The following SCAPER variants were observed in gnomAD, a reference collection of about 807,000 sequenced individuals.
SCAPER encodes the protein S-phase cyclin A associated protein in the ER.
SCAPER carries 98 observed loss-of-function variants against 182.2 expected under a neutral mutation model. That is an observed-to-expected ratio of 0.54 (90% CI 0.46 to 0.64). SCAPER has a LOEUF of 0.64. SCAPER is among the 30% of genes least tolerant of loss of function. SCAPER has a pLI of 0.00. For synonymous variants in SCAPER, 605 were observed against 564.6 expected (o/e 1.07, Z -1.01); for missense variants, 1,432 against 1,690.0 (o/e 0.85, Z 2.68).
chr15:76,511,161 TG>T (rs1222561522), intron 23 of SCAPER, among the ~76,000 whole-genome samples: 2 of 152,132 alleles, frequency 1.3e-5, no homozygotes, highest in African/African-American at 2.4e-5. Flanking sequence ...TGTATACTGC[TG>T]GGGAGATGGG....
chr15:76,844,205 A>G (rs2069785724), intron 4 of SCAPER, among the ~76,000 whole-genome samples: 1 of 151,688 alleles, frequency 6.6e-6, no homozygotes, highest in African/African-American at 2.4e-5. Context: ...GAAGTTTCAC[A>G]CAATTGGATT....
At chr15:76,728,834 C>T (rs2060742776) in intron 16 of SCAPER, 97 bp from the exon 17 acceptor site, 1 of 1,294,856 alleles carries the variant, frequency 7.7e-7, no homozygotes, top group African/African-American at 1.5e-5. Context: ...ATGTTCAAGC[C>T]AAGTAGAAAC....
At position 76,882,688 on chromosome 15, in the gene SCAPER, G is replaced by A. The variant is rs571492918; in HGVS notation, c.6+1124C>T. On this transcript the variant is annotated intron_variant, in intron 2 of 31. Transcript: ENST00000563290. Reference sequence around the variant, plus strand: ...TTTCTTTTTTTCTTTTATTTGAGACGGAGTCTCGCTCTATAGCCCAGGTTG... The same window carrying A: ...TTTCTTTTTTTCTTTTATTTGAGACAGAGTCTCGCTCTATAGCCCAGGTTG... Among the ~76,000 whole-genome samples, 11 of 152,046 alleles carry A rather than the reference G, an allele frequency of 7.2e-5. No individual in the cohort carries two copies. In the South Asian group the frequency reaches 1.2e-3, roughly 17 times the overall value.
intron 6 of SCAPER, among the ~76,000 whole-genome samples, chr15:76,802,033 C>G (rs1232997242): frequency 6.6e-6 from 1 of 151,452 alleles, no homozygotes; most frequent in Non-Finnish European, 1.5e-5. Flanking sequence ...ATCCTCAACA[C>G]AGCCACCAAT....
At chr15:76,780,057 C>G (rs896027372) in intron 8 of SCAPER, among the ~76,000 whole-genome samples, 2 of 152,178 alleles carry the variant, frequency 1.3e-5, no homozygotes, top group Admixed American at 6.5e-5. Flanking sequence ...AAAAGGCGAG[C>G]CAAAGCAGGG....
At chr15:76,711,996 A>C (rs1029384530) in intron 17 of SCAPER, among the ~76,000 whole-genome samples, 3 of 152,144 alleles carry the variant, frequency 2.0e-5, no homozygotes, top group Middle Eastern at 3.4e-3. Context: ...GGTGTTTTAG[A>C]CATGAAGTCC....
At chr15:76,639,478 G>C (rs2053923437) in intron 21 of SCAPER, among the ~76,000 whole-genome samples, 2 of 152,180 alleles carry the variant, frequency 1.3e-5, no homozygotes, top group Admixed American at 1.3e-4. Context: ...GAATTATGGA[G>C]ATTAACTATA....
intron 1 of SCAPER, among the ~76,000 whole-genome samples, chr15:76,891,372 G>A (rs753890165): frequency 1.1e-4 from 17 of 152,176 alleles, no homozygotes; most frequent in Non-Finnish European, 2.1e-4. Flanking sequence ...AAGAGAGGAA[G>A]TCAAATTGTC....
intron 17 of SCAPER, among the ~76,000 whole-genome samples, chr15:76,719,232 G>C (rs987358317): frequency 1.3e-5 from 2 of 152,160 alleles, no homozygotes; most frequent in Non-Finnish European, 2.9e-5. Flanking sequence ...ATTGTCATTT[G>C]CCACAATATG....
intron 24 of SCAPER, among the ~76,000 whole-genome samples, chr15:76,487,270 T>C (rs554548042): frequency 1.5e-5 from 2 of 136,864 alleles, no homozygotes; most frequent in African/African-American, 5.4e-5. Flanking sequence ...TAATTTGTAC[T>C]ACAAACCCCC....
intron 24 of SCAPER, among the ~76,000 whole-genome samples, chr15:76,500,865 C>A (rs899116146): frequency 2.0e-5 from 3 of 151,754 alleles, no homozygotes; most frequent in Non-Finnish European, 1.5e-5. Flanking sequence ...CATCGTGAAA[C>A]CCTGTCTCTA....
chr15:76,723,421 G>T (rs867013298), intron 17 of SCAPER, among the ~76,000 whole-genome samples: 1 of 152,160 alleles, frequency 6.6e-6, no homozygotes, highest in South Asian at 2.1e-4. Flanking sequence ...ATTTGGGGTG[G>T]AGAGTTCTGT....
chr15:76,618,521 G>A lies in SCAPER; in HGVS notation c.2711+3243C>T, dbSNP rs751535820. 8.5e-5 allele frequency among the ~76,000 whole-genome samples: 13 copies of A among 152,174 alleles called. No homozygotes were observed. In the South Asian group the frequency reaches 2.3e-3, roughly 27 times the overall value. ...ATTTACAGCAAACTTACTGTCCTGT[G>A]TCTTTTATCCAAGAGTATGATTTGT... On this transcript the variant is annotated intron_variant, in intron 22 of 31. Coordinates refer to ENST00000563290, the MANE Select transcript of SCAPER (RefSeq NM_020843.4).
At chr15:76,483,920 T>A (rs1488260320) in intron 24 of SCAPER, among the ~76,000 whole-genome samples, 1 of 152,134 alleles carries the variant, frequency 6.6e-6, no homozygotes, top group South Asian at 2.1e-4. Flanking sequence ...AAAGTCACAT[T>A]GGAAGACAGT....
chr15:76,642,141 T>G (rs2054154716), intron 21 of SCAPER, among the ~76,000 whole-genome samples: 1 of 152,220 alleles, frequency 6.6e-6, no homozygotes, highest in African/African-American at 2.4e-5. Flanking sequence ...CGAAATGTTA[T>G]AAAGCCCCAA....
At chr15:76,578,503 C>T (rs567196780) in intron 22 of SCAPER, among the ~76,000 whole-genome samples, 1 of 152,156 alleles carries the variant, frequency 6.6e-6, no homozygotes, top group East Asian at 1.9e-4. Flanking sequence ...CAGCTCAGCA[C>T]AGAGAGAGAG....
intron 17 of SCAPER, among the ~76,000 whole-genome samples, chr15:76,709,842 CA>C (rs2059468376): frequency 6.6e-6 from 1 of 152,050 alleles, no homozygotes; most frequent in South Asian, 2.1e-4. Flanking sequence ...GGAATTAACC[CA>C]AGAATGCAAG....
At chr15:76,371,531 G>C (rs2042176037) in intron 29 of SCAPER, among the ~76,000 whole-genome samples, 1 of 151,584 alleles carries the variant, frequency 6.6e-6, no homozygotes, top group Admixed American at 6.6e-5. Context: ...TGTTGGCCAG[G>C]CTGGTCTCGA....
chr15:76,665,513 C>T, intron 21 of SCAPER, 140 bp downstream of exon 21: 2 of 984,766 alleles, frequency 2.0e-6, no homozygotes, highest in Non-Finnish European at 2.9e-6. Context: ...AGGAAAGTGG[C>T]TATAAATTAG....
Sources: allele counts gnomAD v4.1 joint callset (sites outside exome capture counted in the v4.1 genomes callset), GRCh38; gene constraint gnomAD v4.1.1; transcripts MANE v1.5; gene names NCBI Gene and HGNC (gene_info 2026-07-23, HGNC 2026-07-21).